Variants in CTNNA1 observed in about 807,000 individuals in gnomAD.
CTNNA1 encodes the protein catenin alpha-1.
CTNNA1 carries 37 observed loss-of-function variants against 98.4 expected under a neutral mutation model. The ratio of observed to expected loss-of-function variants is 0.38; its 90% CI spans 0.29 to 0.49. CTNNA1 has a LOEUF of 0.49. Among genes scored for constraint, CTNNA1 ranks in the 20% least tolerant of loss-of-function variants. The pLI, the probability that CTNNA1 is intolerant of heterozygous loss-of-function variation, is 0.95. For missense variants in CTNNA1, 761 were observed against 1,147.2 expected, an observed-to-expected ratio of 0.66 and a Z score of 4.86; for synonymous variants, 404 against 413.2, an observed-to-expected ratio of 0.98 and a Z score of 0.27.
intron 5 of CTNNA1, among the ~76,000 whole-genome samples, chr5:138,819,371 G>A (rs558249461): frequency 6.6e-6 from 1 of 152,196 alleles, no homozygotes; most frequent in African/African-American, 2.4e-5. Flanking sequence ...TGTCTCAGCA[G>A]TTCAGACTCT....
intron 9 of CTNNA1, among the ~76,000 whole-genome samples, chr5:138,901,145 C>T (rs1757940794): frequency 6.6e-6 from 1 of 151,368 alleles, no homozygotes; most frequent in South Asian, 2.1e-4. Context: ...TTCCGCTCCC[C>T]TCCCCTCCCC....
chr5:138,852,093 T>A (rs1763240556), intron 7 of CTNNA1, among the ~76,000 whole-genome samples: 3 of 151,942 alleles, frequency 2.0e-5, no homozygotes, highest in Admixed American at 2.0e-4. Context: ...AATAAATAAA[T>A]AAATAAATAT....
chr5:138,886,494 C>G (rs1481135747), intron 8 of CTNNA1, among the ~76,000 whole-genome samples: 2 of 152,128 alleles, frequency 1.3e-5, no homozygotes, highest in Non-Finnish European at 2.9e-5. Flanking sequence ...AATACAGTCT[C>G]ACTGTGTTGG....
At chr5:138,785,150 C>G (rs1755537443) in intron 3 of CTNNA1, among the ~76,000 whole-genome samples, 1 of 149,624 alleles carries the variant, frequency 6.7e-6, no homozygotes, top group Non-Finnish European at 1.5e-5. Flanking sequence ...CAAGCTCCGC[C>G]TCCCGGGTTC....
intron 12 of CTNNA1, 83 bp downstream of exon 12, chr5:138,924,793 G>A (rs1763655611): frequency 1.6e-6 from 2 of 1,237,638 alleles, no homozygotes; most frequent in Admixed American, 4.4e-5. Flanking sequence ...GCCCTGTGGT[G>A]AGGAAGGAGG....
rs914049826 is a variant in CTNNA1, at chr5:138,874,610, A to G, written c.1063-11602A>G. On this transcript the variant is annotated intron_variant, in intron 7 of 17. Transcript: ENST00000302763. The surrounding 1 kb of genome is among the most constrained non-coding windows in gnomAD (Gnocchi z 4.1). ...AAGATAGGATATTTTTCAGCAGAAC[A>G]TATGGGCTATTTAAAAAAAACAACC... The G allele has an allele frequency of 4.5e-6, 5 of 1,120,868 alleles. No homozygotes were observed. The highest frequency in any genetic ancestry group is 5.2e-5 in the East Asian group (2 of 38,612). 69.4% of individuals were successfully genotyped at this position (1,120,868 alleles called of 1,614,324 possible).
In CTNNA1 at chr5:138,783,382, T is replaced by A. The variant is rs1403942867; in HGVS notation, c.301+10T>A. ...GATGTTCGAAAACAAGGTAGGTCAT[T>A]ACTGCTTTTTAGGTAAAGAGAGGCA... On this transcript the variant is annotated intron_variant, in intron 3 of 17. Transcript: ENST00000302763. 1 of 1,603,464 alleles carries A rather than the reference T, an allele frequency of 6.2e-7. No homozygotes were observed. Among genetic ancestry groups the A allele is most frequent in the Admixed American group, 1.7e-5 (1 of 58,470 alleles).
Position 138,925,265 on chromosome 5 carries a change from GT to G in CTNNA1, c.1761del (p.Phe587LeufsTer5), listed in dbSNP as rs1273174561. On this transcript the variant is annotated frameshift_variant, in exon 13 of 18. Coordinates refer to ENST00000302763, the MANE Select transcript of CTNNA1 (RefSeq NM_001903.5). LOFTEE classifies it high-confidence loss of function. ...GCCTCTTTCTCCACAGTCATGCCAC[GT>G]TTTACTGAGCAAGTAGAAGCAGCCG... is the stretch of plus-strand genomic sequence containing the variant. ...TKLLSNTVMP[R>X]FTEQVEAAVE... is the part of the protein sequence containing the mutation. 6.2e-7 allele frequency: 1 copy of G among 1,613,818 alleles called. No individual in the cohort carries two copies. Among genetic ancestry groups the G allele is most frequent in the African/African-American group, 1.3e-5 (1 of 74,888 alleles).
chr5:138,843,708 G>A (rs1280393880), intron 7 of CTNNA1, among the ~76,000 whole-genome samples: 1 of 152,234 alleles, frequency 6.6e-6, no homozygotes, highest in Non-Finnish European at 1.5e-5. Context: ...AGCAAAGAGG[G>A]TGAGAATGGG....
chr5:138,839,522 G>A (rs965839759), intron 7 of CTNNA1, among the ~76,000 whole-genome samples: 5 of 152,154 alleles, frequency 3.3e-5, no homozygotes, highest in African/African-American at 4.8e-5. Context: ...ATTGTTGGGT[G>A]GAGTGAAAGT....
At chr5:138,913,992 A>G (rs1057357105) in intron 10 of CTNNA1, among the ~76,000 whole-genome samples, 3 of 152,232 alleles carry the variant, frequency 2.0e-5, no homozygotes, top group African/African-American at 7.2e-5. Context: ...CTGGGATTAC[A>G]GGCGTGAGCC....
At chr5:138,905,305 G>A (rs920483863) in intron 10 of CTNNA1, among the ~76,000 whole-genome samples, 1 of 152,064 alleles carries the variant, frequency 6.6e-6, no homozygotes, top group Non-Finnish European at 1.5e-5. Flanking sequence ...GTTGAGGAAG[G>A]TATGGTGCCT....
At chr5:138,922,943 A>C (rs1408709593) in intron 11 of CTNNA1, among the ~76,000 whole-genome samples, 1 of 152,078 alleles carries the variant, frequency 6.6e-6, no homozygotes, top group East Asian at 1.9e-4. Context: ...AAAAAAAAAA[A>C]ACCGTAGAAG....
chr5:138,867,228 C>G (rs1764871192), intron 7 of CTNNA1, among the ~76,000 whole-genome samples: 1 of 152,186 alleles, frequency 6.6e-6, no homozygotes, highest in African/African-American at 2.4e-5. Context: ...TGCTTCTGCC[C>G]TGGTTACTGC....
chr5:138,830,998 A>G lies in CTNNA1; in HGVS notation c.1062+3280A>G, dbSNP rs116113468. On this transcript the variant is annotated intron_variant, in intron 7 of 17. Coordinates refer to ENST00000302763, the MANE Select transcript of CTNNA1 (RefSeq NM_001903.5). ...TTATTTCTGTTGAAAAATATTAGAC[A>G]AATTATGTTATGTGGAGAATTGAAA... 4.8e-3 allele frequency among the ~76,000 whole-genome samples: 726 copies of G among 152,340 alleles called. 3 individuals carry two copies. The highest frequency in any genetic ancestry group is 0.015 in the African/African-American group (612 of 41,572).
intron 7 of CTNNA1, among the ~76,000 whole-genome samples, chr5:138,862,288 C>G (rs1037481992): frequency 5.3e-5 from 8 of 152,198 alleles, no homozygotes; most frequent in African/African-American, 1.9e-4. Flanking sequence ...TGCCTTGGAA[C>G]CAAACCTGCC....
At chr5:138,809,768 G>T (rs1223372521) in intron 3 of CTNNA1, among the ~76,000 whole-genome samples, 1 of 151,556 alleles carries the variant, frequency 6.6e-6, no homozygotes, top group Non-Finnish European at 1.5e-5. Context: ...AACATTATTA[G>T]ATCAAAGGGA....
In CTNNA1 at chr5:138,862,687, G is replaced by A. The variant is rs147586952; in HGVS notation, c.1063-23525G>A. Among the ~76,000 whole-genome samples the A allele has an allele frequency of 4.2e-3, 638 of 152,216 alleles. 2 individuals carry two copies. The highest frequency in any genetic ancestry group is 0.015 in the African/African-American group (605 of 41,514). On this transcript the variant is annotated intron_variant, in intron 7 of 17. Transcript: ENST00000302763. ...CATTTTGCAAAGCAGGTTACTTGAC[G>A]GTGAGATAATGTGGTAAGTTTTATA...
intron 1 of CTNNA1, among the ~76,000 whole-genome samples, chr5:138,760,552 A>G (rs1462184093): frequency 6.7e-6 from 1 of 148,788 alleles, no homozygotes; most frequent in African/African-American, 2.5e-5. Context: ...TTTTAGTAGA[A>G]ACGGGGTTTC....
Sources: allele counts gnomAD v4.1 joint callset (sites outside exome capture counted in the v4.1 genomes callset), GRCh38; gene constraint gnomAD v4.1.1; non-coding constraint Gnocchi (gnomAD v3.1); transcripts MANE v1.5; gene names NCBI Gene and HGNC (gene_info 2026-07-23, HGNC 2026-07-21).